The following LARGE1 variants were observed in gnomAD, a reference collection of about 807,000 sequenced individuals.
The protein encoded by LARGE1 is LARGE xylosyl- and glucuronyltransferase 1.
Under a neutral mutation model 87.6 loss-of-function variants are expected in LARGE1, and 43 were observed. The ratio of observed to expected loss-of-function variants is 0.49; its 90% confidence interval spans 0.38 to 0.63. The LOEUF (loss-of-function observed/expected upper bound fraction) is 0.63, where lower values mean the gene tolerates loss of function less well. Ranked by LOEUF, LARGE1 falls within the 30% of genes least tolerant of loss-of-function variation. LARGE1 has a pLI of 0.00. For synonymous variants in LARGE1, 434 were observed against 394.6 expected, an observed-to-expected ratio of 1.10 and a Z score of -1.18; for missense variants, 802 against 1,000.2, an observed-to-expected ratio of 0.80 and a Z score of 2.67.
chr22:33,070,190 A>G, the LARGE1 span, among the ~76,000 whole-genome samples: 1 of 152,212 alleles, frequency 6.6e-6, no homozygotes, highest in Non-Finnish European at 1.5e-5. Context: ...TCCTGCAAGC[A>G]TCTTAAATGC....
At chr22:33,649,535 C>A (rs1203215862) in intron 3 of LARGE1, among the ~76,000 whole-genome samples, 1 of 152,178 alleles carries the variant, frequency 6.6e-6, no homozygotes, top group African/African-American at 2.4e-5. Flanking sequence ...CACAAATACT[C>A]CATGAAGCAG....
intron 1 of LARGE1, among the ~76,000 whole-genome samples, chr22:33,834,244 G>A (rs1421812119): frequency 2.0e-5 from 3 of 152,124 alleles, no homozygotes; most frequent in African/African-American, 7.2e-5. Flanking sequence ...GACAAATAGG[G>A]AGCAAAAATA....
chr22:33,373,231 T>G (rs2064877894), intron 9 of LARGE1, among the ~76,000 whole-genome samples: 2 of 152,148 alleles, frequency 1.3e-5, no homozygotes, highest in Non-Finnish European at 2.9e-5. Context: ...AAAACAAAAC[T>G]AAAATTTTCA....
At chr22:33,403,601 ATTTCT>A (rs1339495267) in intron 7 of LARGE1, among the ~76,000 whole-genome samples, 3 of 150,340 alleles carry the variant, frequency 2.0e-5, no homozygotes, top group East Asian at 1.9e-4. Context: ...ATACCGGCTC[ATTTCT>A]TTTCTTTTTT....
intron 10 of LARGE1, among the ~76,000 whole-genome samples, chr22:33,334,437 A>C (rs1415977192): frequency 4.0e-5 from 6 of 148,582 alleles, no homozygotes; most frequent in African/African-American, 1.3e-4. Context: ...AAAAAAAAAC[A>C]CCAAACAAAA....
At chr22:33,567,427 G>C (rs2078061145) in intron 5 of LARGE1, among the ~76,000 whole-genome samples, 1 of 152,114 alleles carries the variant, frequency 6.6e-6, no homozygotes, top group Non-Finnish European at 1.5e-5. Context: ...CTCTTTTGGT[G>C]CTTCCAGATG....
At chr22:33,627,006 A>C (rs917384164) in intron 3 of LARGE1, among the ~76,000 whole-genome samples, 1 of 152,166 alleles carries the variant, frequency 6.6e-6, no homozygotes, top group African/African-American at 2.4e-5. Context: ...GGATGGTGCT[A>C]AGGAGTGAGG....
chr22:33,172,831 C>T (rs377204452), intron 11 of LARGE1, among the ~76,000 whole-genome samples: 1 of 152,078 alleles, frequency 6.6e-6, no homozygotes, highest in Non-Finnish European at 1.5e-5. Context: ...AAGAAATGAA[C>T]AAAGCCTCCA....
chr22:33,200,096 C>T (rs568031183), intron 11 of LARGE1, among the ~76,000 whole-genome samples: 9 of 152,246 alleles, frequency 5.9e-5, no homozygotes, highest in African/African-American at 2.2e-4. Flanking sequence ...ATCCACCCAC[C>T]TCAGCCTCCC....
chr22:33,425,936 C>A (rs1000562807), intron 7 of LARGE1, among the ~76,000 whole-genome samples: 1 of 152,126 alleles, frequency 6.6e-6, no homozygotes, highest in Non-Finnish European at 1.5e-5. Context: ...TTAGTAGAGA[C>A]AGGGTTTCAC....
intron 11 of LARGE1, among the ~76,000 whole-genome samples, chr22:33,168,477 A>C (rs1037717574): frequency 3.3e-5 from 5 of 152,248 alleles, no homozygotes; most frequent in African/African-American, 1.2e-4. Context: ...TGCAGATCAA[A>C]AAGTCTAGAA....
chr22:33,788,598 G>C (rs1268794339), intron 1 of LARGE1, among the ~76,000 whole-genome samples: 3 of 152,198 alleles, frequency 2.0e-5, no homozygotes, highest in African/African-American at 7.2e-5. Flanking sequence ...CAGTGATATG[G>C]ACAATGAAGT....
At chr22:33,750,489 G>C (rs1377568958) in intron 2 of LARGE1, 1 of 152,118 alleles carries the variant, frequency 6.6e-6, no homozygotes, top group Non-Finnish European at 1.5e-5. Context: ...GCGATAAATA[G>C]AAACGATTGC....
chr22:33,177,146 GGGCCTGTC>G (rs1268084467), intron 11 of LARGE1, among the ~76,000 whole-genome samples: 7 of 152,248 alleles, frequency 4.6e-5, no homozygotes, highest in Non-Finnish European at 7.4e-5. Flanking sequence ...ATCACACACT[GGGCCTGTC>G]GGGGCTGGGG....
intron 1 of LARGE1, among the ~76,000 whole-genome samples, chr22:33,788,238 AG>A (rs2085714303): frequency 6.6e-6 from 1 of 152,216 alleles, no homozygotes; most frequent in Non-Finnish European, 1.5e-5. Flanking sequence ...TTTATAAAAA[AG>A]GGCATTCCCC....
chr22:33,702,955 C>T (rs577409273), intron 2 of LARGE1, among the ~76,000 whole-genome samples: 2 of 152,112 alleles, frequency 1.3e-5, no homozygotes, highest in African/African-American at 2.4e-5. Context: ...TAGGAGTTAC[C>T]CTGGCAAAGA....
At chr22:33,511,034 G>A (rs1043716662) in intron 6 of LARGE1, among the ~76,000 whole-genome samples, 9 of 152,108 alleles carry the variant, frequency 5.9e-5, no homozygotes, top group African/African-American at 1.9e-4. Flanking sequence ...CTGTATTGTC[G>A]GGCAATCCAT....
chr22:33,269,184 T>C (rs1448914671), downstream of LARGE1, among the ~76,000 whole-genome samples: 1 of 152,242 alleles, frequency 6.6e-6, no homozygotes, highest in Non-Finnish European at 1.5e-5. Flanking sequence ...GAAGAGTATG[T>C]GGCAAAATGT....
intron 14 of LARGE1, among the ~76,000 whole-genome samples, chr22:33,275,236 A>T (rs1220539434): frequency 6.6e-6 from 1 of 152,198 alleles, no homozygotes; most frequent in Non-Finnish European, 1.5e-5. Context: ...AACTTGGCAG[A>T]ATACAGCTTA....
Sources: allele counts gnomAD v4.1 joint callset (sites outside exome capture counted in the v4.1 genomes callset), GRCh38; gene constraint gnomAD v4.1.1; transcripts MANE v1.5; gene names NCBI Gene and HGNC (gene_info 2026-07-23, HGNC 2026-07-21).